Variants in RAB37 observed in about 807,000 individuals in gnomAD.
RAB37 encodes RAB37, member RAS oncogene family, also known as ras-related protein Rab-37.
Under a neutral mutation model 33.1 loss-of-function variants are expected in RAB37, and 29 were observed. The observed-to-expected ratio is 0.88, with a 90% CI of 0.65 to 1.20. RAB37 has a LOEUF of 1.20. Ranked by LOEUF, RAB37 falls within the 50% of genes most tolerant of loss-of-function variation. The pLI is 0.00. For missense variants in RAB37, 299 were observed against 301.1 expected (o/e 0.99, Z 0.05); for synonymous variants, 128 against 119.5 (o/e 1.07, Z -0.47).
intron 1 of RAB37, among the ~76,000 whole-genome samples, chr17:74,687,716 C>A (rs2032082949): frequency 6.6e-6 from 1 of 152,162 alleles, no homozygotes; most frequent in African/African-American, 2.4e-5. Context: ...AGCCTCCAAA[C>A]AAAGAGGGTC....
Position 74,744,224 on chromosome 17 carries a change from T to C in RAB37, c.367-84T>C. 1 of 1,298,040 alleles carries C rather than the reference T, an allele frequency of 7.7e-7. No individual in the cohort carries two copies. Among genetic ancestry groups the C allele is most frequent in the Non-Finnish European group, 1.1e-6 (1 of 915,698 alleles). 80.4% of individuals were successfully genotyped at this position (1,298,040 alleles called of 1,614,324 possible). ...AGGGTATCGTGTTCAAGGTAGTGAG[T>C]AACTGAGGATAGTCAAACGGAGCAG... On this transcript the variant is annotated intron_variant, in intron 5 of 8. Coordinates refer to ENST00000392613, the MANE Select transcript of RAB37 (RefSeq NM_001006638.3). This position sits in a 1 kb window ranked among gnomAD's most constrained non-coding sequence, Gnocchi z 4.2.
chr17:74,713,405 T>C (rs1473540249), intron 1 of RAB37, among the ~76,000 whole-genome samples: 1 of 151,854 alleles, frequency 6.6e-6, no homozygotes, highest in African/African-American at 2.4e-5. Flanking sequence ...CATCAGCTTC[T>C]GAGAAGTACC....
chr17:74,718,327 A>ATCATATCATG (rs1417205873), intron 1 of RAB37, among the ~76,000 whole-genome samples: 101 of 149,242 alleles, frequency 6.8e-4, no homozygotes, highest in African/African-American at 2.4e-3. Context: ...ATCATATCAT[A>ATCATATCATG]TCATATCATA....
intron 1 of RAB37, among the ~76,000 whole-genome samples, chr17:74,708,808 C>CA (rs1555587732): frequency 2.7e-5 from 4 of 147,830 alleles, no homozygotes; most frequent in South Asian, 2.2e-4. Context: ...CCCAGCTACT[C>CA]GGAGGCTGAG....
At chr17:74,689,577 T>A (rs2032121958) in intron 1 of RAB37, among the ~76,000 whole-genome samples, 1 of 152,250 alleles carries the variant, frequency 6.6e-6, no homozygotes, top group Admixed American at 6.5e-5. Context: ...ATTTACCTAC[T>A]TGGTTCAGAC....
chr17:74,703,235 G>T, intron 1 of RAB37: 2 of 1,067,828 alleles, frequency 1.9e-6, no homozygotes, highest in Non-Finnish European at 2.8e-6. Context: ...AGCCTGGGCG[G>T]GGGTCTGGAC....
chr17:74,695,152 G>C (rs1598197425), intron 1 of RAB37: 1 of 1,614,172 alleles, frequency 6.2e-7, no homozygotes, highest in Non-Finnish European at 8.5e-7. Context: ...CTGCCGGGGA[G>C]GTGGCTACTG....
At position 74,728,159 on chromosome 17, in the gene RAB37, CAT is replaced by C. The variant is rs374243467; in HGVS notation, c.73-1096_73-1095del. ...TTCTGTGTGCATGTGTTTGTGTGCACATGTGTCTATGTCTGTGTATATGCATG... is the reference window on the plus strand; with the variant it reads ...TTCTGTGTGCATGTGTTTGTGTGCACGTGTCTATGTCTGTGTATATGCATG... On this transcript the variant is annotated intron_variant, in intron 1 of 7. Transcript: ENST00000340415. Among the ~76,000 whole-genome samples the C allele has an allele frequency of 2.3e-3, 342 of 149,800 alleles. 2 individuals carry two copies. Among genetic ancestry groups the C allele is most frequent in the African/African-American group, 7.7e-3 (315 of 40,706 alleles).
intron 1 of RAB37, among the ~76,000 whole-genome samples, chr17:74,720,862 T>A (rs1162968039): frequency 6.6e-6 from 1 of 152,130 alleles, no homozygotes; most frequent in Non-Finnish European, 1.5e-5. Context: ...GAGATTTTAT[T>A]AAGCGGTGGA....
chr17:74,708,460 G>A (rs1416143573), intron 1 of RAB37, among the ~76,000 whole-genome samples: 4 of 152,124 alleles, frequency 2.6e-5, no homozygotes, highest in Admixed American at 2.6e-4. Flanking sequence ...CCTGACAAGG[G>A]CAAAGCAAGA....
intron 1 of RAB37, among the ~76,000 whole-genome samples, chr17:74,700,121 G>A (rs1162200292): frequency 6.6e-6 from 1 of 151,490 alleles, no homozygotes; most frequent in East Asian, 1.9e-4. Flanking sequence ...CAGCCTGGTC[G>A]ACAGAGCAAG....
At chr17:74,728,536 ATG>A (rs759608065) in intron 1 of RAB37, among the ~76,000 whole-genome samples, 12 of 149,464 alleles carry the variant, frequency 8.0e-5, no homozygotes, top group Non-Finnish European at 1.2e-4. Flanking sequence ...CTGTGTGTGC[ATG>A]TGTTTGTGTG....
At chr17:74,728,011 GTA>G (rs202142683) in intron 1 of RAB37, among the ~76,000 whole-genome samples, 8 of 151,872 alleles carry the variant, frequency 5.3e-5, no homozygotes, top group East Asian at 1.9e-4. Flanking sequence ...ATATGTATGT[GTA>G]TATATATATG....
At position 74,718,091 on chromosome 17, in the gene RAB37, C is replaced by T. The variant is rs558759878; in HGVS notation, c.73-11165C>T. ...CAGGCAGATCCCTTGAGATCAGGAG[C>T]TCCAGACCAGCCTGGCCAACATGGT... is the stretch of plus-strand genomic sequence containing the variant. On this transcript the variant is annotated intron_variant, in intron 1 of 7. Coordinates refer to the RAB37 transcript ENST00000340415. Among the ~76,000 whole-genome samples the T allele has an allele frequency of 8.1e-4, 123 of 152,256 alleles. 1 individual carries two copies. The Middle Eastern group carries it at 0.014, about 17-fold the overall frequency.
chr17:74,695,985 G>T, intron 1 of RAB37: 1 of 1,296,848 alleles, frequency 7.7e-7, no homozygotes, highest in Non-Finnish European at 1.1e-6. Flanking sequence ...TTCCCTCCGT[G>T]TCCTCCACTT....
intron 1 of RAB37, among the ~76,000 whole-genome samples, chr17:74,697,773 G>C (rs2032636829): frequency 1.3e-5 from 2 of 152,198 alleles, no homozygotes; most frequent in South Asian, 4.1e-4. Context: ...AAGTAGGTCA[G>C]CCTGGGAAAG....
intron 1 of RAB37, among the ~76,000 whole-genome samples, chr17:74,720,109 G>T (rs2034219153): frequency 6.6e-6 from 1 of 152,198 alleles, no homozygotes; most frequent in Admixed American, 6.5e-5. Flanking sequence ...GGTAGGAACT[G>T]GAGGGCACCA....
intron 1 of RAB37, among the ~76,000 whole-genome samples, chr17:74,709,742 A>T (rs1242153232): frequency 6.8e-6 from 1 of 146,066 alleles, no homozygotes; most frequent in African/African-American, 2.5e-5. Context: ...CCAGGCTAGT[A>T]TTTTTTTTTT....
At chr17:74,706,669 AAAAAC>A (rs905552893) in intron 1 of RAB37, among the ~76,000 whole-genome samples, 1 of 152,164 alleles carries the variant, frequency 6.6e-6, no homozygotes, top group Non-Finnish European at 1.5e-5. Flanking sequence ...ACTCCATCTC[AAAAAC>A]AAAACAAAAC....
Sources: allele counts gnomAD v4.1 joint callset (sites outside exome capture counted in the v4.1 genomes callset), GRCh38; gene constraint gnomAD v4.1.1; non-coding constraint Gnocchi (gnomAD v3.1); transcripts MANE v1.5; gene names NCBI Gene and HGNC (gene_info 2026-07-23, HGNC 2026-07-21).